CPED1: variants seen among roughly 807,000 people sequenced by gnomAD.
CPED1 encodes cadherin like and PC-esterase domain containing 1, also known as cadherin-like and PC-esterase domain-containing protein 1.
A neutral mutation model predicts 128.2 loss-of-function variants in CPED1; 114 were observed. That is an observed-to-expected ratio of 0.89 (90% CI 0.76 to 1.04). CPED1 has a LOEUF of 1.04. Among genes scored for constraint, CPED1 ranks in the 50% least tolerant of loss-of-function variants. The probability of loss-of-function intolerance (pLI) is 0.00; values close to 1 mark genes in which losing one functional copy is unlikely to be tolerated. For synonymous variants in CPED1, 462 were observed against 426.7 expected (o/e 1.08, Z -1.02); for missense variants, 1,211 against 1,207.1 (o/e 1.00, Z -0.05).
intron 3 of CPED1, among the ~76,000 whole-genome samples, chr7:121,034,104 A>G (rs1281847064): frequency 6.6e-6 from 1 of 152,168 alleles, no homozygotes; most frequent in Non-Finnish European, 1.5e-5. Flanking sequence ...GTTCTGCAGA[A>G]TTTGGCATAA....
chr7:121,227,057 G>T (rs1465385744), intron 16 of CPED1, among the ~76,000 whole-genome samples: 1 of 152,018 alleles, frequency 6.6e-6, no homozygotes. Flanking sequence ...GATCATATGG[G>T]AATTATTTAG....
At position 121,097,733 on chromosome 7, in the gene CPED1, G is replaced by A. The variant is rs1312815265; in HGVS notation, c.651G>A (p.Leu217=). Residue 217 remains leucine (L), a synonymous_variant, in exon 6 of 23, where the codon CTG becomes CTA. Coordinates refer to ENST00000310396, the MANE Select transcript of CPED1 (RefSeq NM_024913.5). ...LQLPVSPSVC[L]DQGMQLKPST... is the part of the protein sequence containing the mutation. ...TTCCAGTGAGTCCCTCTGTGTGTCT[G>A]GATCAGGGAATGCAATTAAAGCCGA... The A allele has an allele frequency of 6.2e-7, 1 of 1,613,828 alleles. No individual in the cohort carries two copies. The highest frequency in any genetic ancestry group is 1.3e-5 in the African/African-American group (1 of 75,024).
intron 4 of CPED1, among the ~76,000 whole-genome samples, chr7:121,056,488 C>T (rs1440009155): frequency 6.6e-6 from 1 of 152,130 alleles, no homozygotes; most frequent in Non-Finnish European, 1.5e-5. Flanking sequence ...GCAGACAGTC[C>T]TAAAACCTTT....
At chr7:121,270,319 C>T (rs1052638059) in intron 21 of CPED1, among the ~76,000 whole-genome samples, 1 of 152,072 alleles carries the variant, frequency 6.6e-6, no homozygotes, top group Non-Finnish European at 1.5e-5. Flanking sequence ...CAAACATTTT[C>T]TCCCATTCTG....
At chr7:121,227,537 A>G (rs1798042985) in intron 16 of CPED1, among the ~76,000 whole-genome samples, 3 of 152,110 alleles carry the variant, frequency 2.0e-5, no homozygotes, top group Admixed American at 2.0e-4. Context: ...AAGAGAAAGT[A>G]TTGATTAATT....
At chr7:121,034,314 C>T (rs528799051) in intron 3 of CPED1, among the ~76,000 whole-genome samples, 2 of 129,930 alleles carry the variant, frequency 1.5e-5, no homozygotes, top group Admixed American at 1.9e-4. Context: ...ATGGCATGAT[C>T]TTGGCTCACT....
intron 16 of CPED1, among the ~76,000 whole-genome samples, chr7:121,194,046 A>T (rs56352906): frequency 0.17 from 8,985 of 51,878 alleles, 617 homozygotes; most frequent in Non-Finnish European, 0.2. Context: ...ATATATATAT[A>T]TATTTTTTTT....
chr7:121,126,861 A>G (rs1795516395), intron 9 of CPED1, among the ~76,000 whole-genome samples: 1 of 152,084 alleles, frequency 6.6e-6, no homozygotes, highest in African/African-American at 2.4e-5. Flanking sequence ...AACTAATGTG[A>G]CTTTATATTA....
chr7:121,055,514 G>T (rs1033860512), intron 4 of CPED1, among the ~76,000 whole-genome samples: 4 of 151,274 alleles, frequency 2.6e-5, no homozygotes, highest in Admixed American at 2.0e-4. Flanking sequence ...CTAAATGTGG[G>T]TATATTACAC....
intron 16 of CPED1, among the ~76,000 whole-genome samples, chr7:121,204,647 G>C (rs1233509426): frequency 6.6e-6 from 1 of 152,118 alleles, no homozygotes; most frequent in African/African-American, 2.4e-5. Flanking sequence ...CCAAAAAGGA[G>C]AGGCACATTA....
rs1173428300 is a variant in CPED1 at position 121,264,864 on chromosome 7, T to C, written c.2311-1363T>C. 3.3e-5 allele frequency among the ~76,000 whole-genome samples: 5 copies of C among 152,084 alleles called. No homozygotes were observed. In the East Asian group the frequency reaches 9.7e-4, roughly 29 times the overall value. ...ACTATTTATTTTAAAAGTGCATGCA[T>C]GGTACTATAGGGGAAAACTAGAATT... On this transcript the variant is annotated intron_variant, in intron 18 of 22. Coordinates refer to ENST00000310396, the MANE Select transcript of CPED1 (RefSeq NM_024913.5).
At chr7:121,247,594 G>T (rs529164564) in intron 18 of CPED1, among the ~76,000 whole-genome samples, 6 of 152,254 alleles carry the variant, frequency 3.9e-5, no homozygotes, top group African/African-American at 4.8e-5. Context: ...GCCCTGAATG[G>T]GTCCCGGGGA....
chr7:121,271,333 C>CA lies in CPED1; in HGVS notation c.2778dup (p.His927ThrfsTer4), dbSNP rs777945397. The CA allele has an allele frequency of 6.2e-7, 1 of 1,612,010 alleles. No individual in the cohort carries two copies. Among genetic ancestry groups the CA allele is most frequent in the Non-Finnish European group, 8.5e-7 (1 of 1,178,604 alleles). ...GAAAATTTGATTATTCTGGATACTG[C>CA]AAAAAAACATGGCTATGAAGTAGTT... is the stretch of plus-strand genomic sequence containing the variant. On this transcript the variant is annotated frameshift_variant, in exon 22 of 23. Transcript: ENST00000310396. LOFTEE classifies it high-confidence loss of function.
At chr7:121,035,840 T>A (rs573578324) in intron 3 of CPED1, among the ~76,000 whole-genome samples, 19 of 51,510 alleles carry the variant, frequency 3.7e-4, no homozygotes, top group South Asian at 1.2e-3. Flanking sequence ...CTTAAAAAAA[T>A]AATAATAATA....
chr7:121,185,713 G>A lies in CPED1; in HGVS notation c.2055+43572G>A, dbSNP rs968497013. Among the ~76,000 whole-genome samples the A allele has an allele frequency of 1.1e-4, 16 of 152,276 alleles. No homozygotes were observed. In the East Asian group the frequency reaches 1.2e-3, roughly 11 times the overall value. On this transcript the variant is annotated intron_variant, in intron 16 of 22. Transcript: ENST00000310396. ...CAGCAAGCAACTACACTCCGTGAACGTAGGCAAACTTTGCATCTACTGGGG... is the reference window on the plus strand; with the variant it reads ...CAGCAAGCAACTACACTCCGTGAACATAGGCAAACTTTGCATCTACTGGGG...
chr7:121,051,218 C>T (rs994696740), intron 4 of CPED1: 13 of 488,526 alleles, frequency 2.7e-5, no homozygotes, highest in Admixed American at 2.6e-4. Context: ...TACAGTATAC[C>T]ATGTCTTACC....
chr7:121,112,222 ATCCTTACC>A (rs893527524), intron 7 of CPED1, among the ~76,000 whole-genome samples: 10 of 152,178 alleles, frequency 6.6e-5, no homozygotes, highest in African/African-American at 1.9e-4. Context: ...ATATGTCCAT[ATCCTTACC>A]TCCAGAACCA....
chr7:121,186,782 G>A (rs1351056933), intron 16 of CPED1, among the ~76,000 whole-genome samples: 3 of 152,028 alleles, frequency 2.0e-5, no homozygotes, highest in Admixed American at 6.6e-5. Context: ...ATTTCAAGTT[G>A]GTTAAATTTA....
intron 7 of CPED1, among the ~76,000 whole-genome samples, chr7:121,106,209 T>C (rs1279941344): frequency 6.6e-6 from 1 of 152,138 alleles, no homozygotes; most frequent in African/African-American, 2.4e-5. Context: ...GATTTACATA[T>C]TCCATCATTG....
Sources: gnomAD v4.1 joint callset for allele counts (sites outside exome capture counted in the v4.1 genomes callset) on GRCh38, gnomAD v4.1.1 for gene constraint, MANE v1.5 for transcripts, NCBI Gene and HGNC (gene_info 2026-07-23, HGNC 2026-07-21) for gene names.